The following MYO16 variants were observed in gnomAD, a reference collection of about 807,000 sequenced individuals.
MYO16 encodes unconventional myosin-XVI.
In MYO16, 94 loss-of-function variants were observed where a neutral mutation model predicts 205.3. The observed-to-expected ratio is 0.46, with a 90% CI of 0.39 to 0.54. MYO16 has a LOEUF of 0.54. Among genes scored for constraint, MYO16 ranks in the 20% least tolerant of loss-of-function variants. The pLI, the probability that MYO16 is intolerant of heterozygous loss-of-function variation, is 0.00. For synonymous variants in MYO16, 988 were observed against 954.0 expected (o/e 1.04, Z -0.66); for missense variants, 2,315 against 2,387.5 (o/e 0.97, Z 0.63).
intron 23 of MYO16, among the ~76,000 whole-genome samples, chr13:109,037,623 G>A (rs956441030): frequency 3.3e-5 from 5 of 152,074 alleles, no homozygotes; most frequent in Non-Finnish European, 7.4e-5. Flanking sequence ...TGCAAAGGTA[G>A]GTAGGAACAA....
chr13:108,765,243 T>C (rs1345746573), intron 4 of MYO16, among the ~76,000 whole-genome samples: 6 of 152,204 alleles, frequency 3.9e-5, no homozygotes, highest in Admixed American at 6.5e-5. Context: ...TGCAGTTGCA[T>C]TATATAAATA....
At chr13:108,700,215 C>T (rs537954051) in intron 2 of MYO16, among the ~76,000 whole-genome samples, 1 of 151,772 alleles carries the variant, frequency 6.6e-6, no homozygotes, top group Admixed American at 6.6e-5. Context: ...CTCCTGTAAT[C>T]CCAGCTACTC....
In MYO16 at chr13:109,207,068, C is replaced by T. The variant is rs996941190; in HGVS notation, c.*232C>T. The T allele has an allele frequency of 2.0e-6, 1 of 508,616 alleles. No homozygotes were observed. Among genetic ancestry groups the T allele is most frequent in the Admixed American group, 3.3e-5 (1 of 30,254 alleles). The allele number at this position is 508,616 out of a possible 1,614,324, so 31.5% of individuals were successfully genotyped here. A position where few individuals can be genotyped will look rare whatever the true frequency, so the allele number is the denominator to read the frequency against. ...GTGGTGATACACTCTGATTTTCAAG[C>T]TCCTCATTTACGGCTCTGTGCTACC... On this transcript the variant is annotated 3_prime_UTR_variant, in exon 35 of 35. Transcript: ENST00000457511.
intron 12 of MYO16, among the ~76,000 whole-genome samples, chr13:108,871,348 G>GTGTGTGTA (rs1555307573): frequency 1.4e-5 from 2 of 145,494 alleles, no homozygotes; most frequent in African/African-American, 5.0e-5. Flanking sequence ...GTGTGTGTGT[G>GTGTGTGTA]TGTGTGTGTG....
At chr13:108,923,591 C>T (rs1388637214) in intron 16 of MYO16, among the ~76,000 whole-genome samples, 1 of 152,218 alleles carries the variant, frequency 6.6e-6, no homozygotes, top group Non-Finnish European at 1.5e-5. Flanking sequence ...CGCCTCACTA[C>T]CCACCTCGGT....
chr13:108,613,995 A>G (rs185406208), intron 1 of MYO16, among the ~76,000 whole-genome samples: 1 of 152,128 alleles, frequency 6.6e-6, no homozygotes, highest in African/African-American at 2.4e-5. Flanking sequence ...CTTACATAAC[A>G]AAATGAAATA....
At chr13:108,793,169 C>G (rs1886671186) in intron 5 of MYO16, among the ~76,000 whole-genome samples, 1 of 151,646 alleles carries the variant, frequency 6.6e-6, no homozygotes, top group African/African-American at 2.4e-5. Flanking sequence ...GCCTGTAGTC[C>G]CAGCTACTCA....
intron 4 of MYO16, among the ~76,000 whole-genome samples, chr13:108,727,785 A>G (rs1056606963): frequency 5.3e-5 from 8 of 152,250 alleles, no homozygotes; most frequent in Non-Finnish European, 7.3e-5. Context: ...TGCAGATACT[A>G]TGCCAAATGC....
At chr13:109,184,280 G>A (rs530355110) in intron 34 of MYO16, among the ~76,000 whole-genome samples, 2 of 152,192 alleles carry the variant, frequency 1.3e-5, no homozygotes, top group South Asian at 4.1e-4. Context: ...CAGGGAATCC[G>A]TACTCACCAC....
Position 108,794,622 on chromosome 13 carries a change from TCAA to T in MYO16, c.741+986_741+988del, listed in dbSNP as rs1338132742. On this transcript the variant is annotated intron_variant, in intron 6 of 34. Coordinates refer to ENST00000457511, the MANE Select transcript of MYO16 (RefSeq NM_001198950.3). The stretch of plus-strand genomic sequence containing the variant: ...ACTGTTGCAGTAAATTATTAAAAGA[TCAA>T]CAAAATTTGGATTAATTTGTATATA... Among the ~76,000 whole-genome samples the T allele has an allele frequency of 4.6e-5, 7 of 152,328 alleles. No individual in the cohort carries two copies. In the Middle Eastern group the frequency reaches 0.01, roughly 222 times the overall value.
At chr13:108,834,175 A>G (rs1463342221) in intron 9 of MYO16, among the ~76,000 whole-genome samples, 2 of 152,188 alleles carry the variant, frequency 1.3e-5, no homozygotes, top group African/African-American at 4.8e-5. Flanking sequence ...TCTACTGAAC[A>G]AAAAGTAGGA....
chr13:109,070,836 G>A (rs899320447), intron 27 of MYO16, among the ~76,000 whole-genome samples: 2 of 152,096 alleles, frequency 1.3e-5, no homozygotes, highest in African/African-American at 2.4e-5. Context: ...ACGGAAATAT[G>A]TTTAGGGATA....
chr13:108,872,431 T>C (rs1879115608), intron 12 of MYO16, among the ~76,000 whole-genome samples: 1 of 152,088 alleles, frequency 6.6e-6, no homozygotes, highest in African/African-American at 2.4e-5. Context: ...ACTGACACTA[T>C]AGTAGTATTA....
intron 2 of MYO16, among the ~76,000 whole-genome samples, chr13:108,695,160 A>G (rs981380184): frequency 6.6e-6 from 1 of 152,176 alleles, no homozygotes; most frequent in South Asian, 2.1e-4. Flanking sequence ...AAGGTGTTAT[A>G]TTTATGTCCT....
chr13:108,965,018 A>G lies in MYO16; in HGVS notation c.2369+116A>G, dbSNP rs113041603. Reference sequence around the variant, plus strand: ...AACCAATAAGTTAAACTTCATTAATATATTTTATTTTAACAAGGTAATCTG... The same window carrying G: ...AACCAATAAGTTAAACTTCATTAATGTATTTTATTTTAACAAGGTAATCTG... On this transcript the variant is annotated intron_variant, in intron 20 of 34. Transcript: ENST00000457511. The G allele has an allele frequency of 6.4e-4, 690 of 1,079,752 alleles. 4 individuals carry two copies. In the African/African-American group the frequency reaches 0.01, roughly 16 times the overall value. The allele number at this position is 1,079,752 out of a possible 1,614,324, so 66.9% of individuals were successfully genotyped here.
intron 7 of MYO16, among the ~76,000 whole-genome samples, chr13:108,816,418 C>CCA (rs1352319153): frequency 2.1e-5 from 3 of 144,744 alleles, no homozygotes; most frequent in African/African-American, 5.0e-5. Context: ...TAGCGCCCCC[C>CCA]ACCCACCCCA....
At chr13:108,906,917 A>G (rs1192073249) in intron 15 of MYO16, among the ~76,000 whole-genome samples, 2 of 152,226 alleles carry the variant, frequency 1.3e-5, no homozygotes, top group Non-Finnish European at 2.9e-5. Context: ...TATACCACCA[A>G]AGTGATGACC....
At chr13:108,584,624 C>G in the MYO16 span, among the ~76,000 whole-genome samples, 1 of 152,142 alleles carries the variant, frequency 6.6e-6, no homozygotes, top group Non-Finnish European at 1.5e-5. Flanking sequence ...TTATCCCCTT[C>G]CCTTGCACCC....
intron 23 of MYO16, among the ~76,000 whole-genome samples, chr13:109,042,501 A>G (rs976741310): frequency 1.3e-5 from 2 of 152,220 alleles, no homozygotes; most frequent in African/African-American, 4.8e-5. Flanking sequence ...CCAGGAAAAG[A>G]CAGCAACAAC....
Sources: allele counts gnomAD v4.1 joint callset (sites outside exome capture counted in the v4.1 genomes callset), GRCh38; gene constraint gnomAD v4.1.1; transcripts MANE v1.5; gene names NCBI Gene and HGNC (gene_info 2026-07-23, HGNC 2026-07-21).